SLC9C1: variants seen among roughly 807,000 people sequenced by gnomAD.
SLC9C1 encodes the protein solute carrier family 9 member C1.
In SLC9C1, 97 loss-of-function variants were observed where a neutral mutation model predicts 140.9. That is an observed-to-expected ratio of 0.69 (90% CI 0.58 to 0.82). The LOEUF (loss-of-function observed/expected upper bound fraction) is 0.82, where lower values mean the gene tolerates loss of function less well. Ranked by LOEUF, SLC9C1 falls within the 40% of genes least tolerant of loss-of-function variation. SLC9C1 has a pLI of 0.00. For missense variants in SLC9C1, 1,340 were observed against 1,389.3 expected (o/e 0.96, Z 0.56); for synonymous variants, 440 against 442.6 (o/e 0.99, Z 0.07).
intron 19 of SLC9C1, 133 bp downstream of exon 19, chr3:112,200,578 G>T: frequency 1.4e-6 from 1 of 707,020 alleles, no homozygotes; most frequent in Non-Finnish European, 2.4e-6. Flanking sequence ...TGCATTGATT[G>T]TTGAGGTTAC....
At chr3:112,221,302 G>T in intron 13 of SLC9C1, 77 bp from the exon 14 acceptor site, 1 of 1,215,306 alleles carries the variant, frequency 8.2e-7, no homozygotes, top group Non-Finnish European at 1.2e-6. Flanking sequence ...TGGGAAAAAT[G>T]TGTGATAAAG....
intron 6 of SLC9C1, among the ~76,000 whole-genome samples, chr3:112,270,333 T>C (rs2080036723): frequency 6.6e-6 from 1 of 152,206 alleles, no homozygotes. Flanking sequence ...TTTTCCATAA[T>C]AGCTTTACTA....
At chr3:112,224,386 A>G (rs1234292617) in intron 13 of SLC9C1, among the ~76,000 whole-genome samples, 2 of 101,106 alleles carry the variant, frequency 2.0e-5, no homozygotes, top group East Asian at 4.2e-4. Context: ...GAAGATATCA[A>G]TGCAAGGATA....
At chr3:112,282,898 C>T (rs1268546155) in intron 2 of SLC9C1, among the ~76,000 whole-genome samples, 2 of 152,142 alleles carry the variant, frequency 1.3e-5, no homozygotes, top group African/African-American at 4.8e-5. Context: ...TTCATGTTAA[C>T]TTAAATTAAT....
chr3:112,179,529 ACCT>A lies in SLC9C1; in HGVS notation c.2918_2919+1del, dbSNP rs754960983. The A allele has an allele frequency of 1.3e-6, 2 of 1,588,494 alleles. No individual in the cohort carries two copies. Among genetic ancestry groups the A allele is most frequent in the Non-Finnish European group, 1.7e-6 (2 of 1,172,480 alleles). On this transcript the variant is annotated splice_donor_variant and coding_sequence_variant, in exon 23 of 29. Coordinates refer to ENST00000305815, the MANE Select transcript of SLC9C1 (RefSeq NM_183061.3). LOFTEE classifies it high-confidence loss of function. ...AAAAGTCACAGGCGAAGTTTTTCTG[ACCT>A]CCACTACAGTTTTGCAGGTGGCAGA... is the stretch of plus-strand genomic sequence containing the variant.
At chr3:112,147,511 C>T in intron 28 of SLC9C1, 1 of 422,198 alleles carries the variant, frequency 2.4e-6, no homozygotes, top group Non-Finnish European at 4.7e-6. Context: ...ACTTTCTTGT[C>T]TGGAAAGTTA....
chr3:112,172,424 T>C (rs2077263855), intron 23 of SLC9C1, among the ~76,000 whole-genome samples: 1 of 152,170 alleles, frequency 6.6e-6, no homozygotes, highest in South Asian at 2.1e-4. Context: ...TTTACCATCT[T>C]ACTAAATTCA....
intron 27 of SLC9C1, among the ~76,000 whole-genome samples, chr3:112,152,472 C>CCGAGA (rs2075013923): frequency 6.6e-6 from 1 of 152,152 alleles, no homozygotes; most frequent in Non-Finnish European, 1.5e-5. Flanking sequence ...GGGTTTTACA[C>CCGAGA]CGAGACATTC....
At chr3:112,261,779 A>G (rs2079779701) in intron 10 of SLC9C1, among the ~76,000 whole-genome samples, 1 of 152,094 alleles carries the variant, frequency 6.6e-6, no homozygotes, top group South Asian at 2.1e-4. Flanking sequence ...GCTATATGCT[A>G]AACAATGTGC....
chr3:112,252,808 T>A (rs1228355212), intron 10 of SLC9C1, among the ~76,000 whole-genome samples: 1 of 152,042 alleles, frequency 6.6e-6, no homozygotes, highest in East Asian at 1.9e-4. Flanking sequence ...GTCAGACTGC[T>A]TTTTTAAGTG....
chr3:112,210,383 C>G (rs1034259590), intron 15 of SLC9C1, among the ~76,000 whole-genome samples: 14 of 152,180 alleles, frequency 9.2e-5, no homozygotes, highest in African/African-American at 3.4e-4. Context: ...CCTTATGCTA[C>G]TAACACATTC....
At chr3:112,161,937 T>C (rs2075312481) in intron 26 of SLC9C1, among the ~76,000 whole-genome samples, 1 of 151,814 alleles carries the variant, frequency 6.6e-6, no homozygotes, top group Admixed American at 6.6e-5. Flanking sequence ...GTATCCTCTT[T>C]TATTTCCTTG....
At chr3:112,163,737 A>C (rs1266914056) in intron 26 of SLC9C1, among the ~76,000 whole-genome samples, 1 of 152,094 alleles carries the variant, frequency 6.6e-6, no homozygotes, top group Non-Finnish European at 1.5e-5. Flanking sequence ...GCTGAAAAAA[A>C]TGTATATTCT....
intron 16 of SLC9C1, 62 bp from the exon 17 acceptor site, chr3:112,204,465 C>A (rs1337587945): frequency 7.4e-6 from 11 of 1,489,430 alleles, no homozygotes; most frequent in Non-Finnish European, 9.8e-6. Flanking sequence ...CACCATTTTC[C>A]ACAATAATTT....
At chr3:112,249,076 G>T (rs1050237465) in intron 10 of SLC9C1, among the ~76,000 whole-genome samples, 45 of 152,230 alleles carry the variant, frequency 3.0e-4, no homozygotes, top group Middle Eastern at 6.8e-3. Flanking sequence ...TATGATGTTG[G>T]TTGTGGGCTT....
intron 23 of SLC9C1, among the ~76,000 whole-genome samples, chr3:112,172,595 G>A (rs1345035590): frequency 3.9e-5 from 6 of 152,040 alleles, no homozygotes; most frequent in Admixed American, 6.5e-5. Flanking sequence ...CTGAATGGAA[G>A]TGGTGAGAGT....
chr3:112,211,566 A>G (rs574160544), intron 15 of SLC9C1, among the ~76,000 whole-genome samples: 2 of 152,292 alleles, frequency 1.3e-5, no homozygotes, highest in South Asian at 2.1e-4. Flanking sequence ...TATATCCCGC[A>G]CCTGGCTCGG....
At chr3:112,227,640 A>G (rs1488651668) in intron 13 of SLC9C1, among the ~76,000 whole-genome samples, 1 of 152,178 alleles carries the variant, frequency 6.6e-6, no homozygotes, top group Non-Finnish European at 1.5e-5. Flanking sequence ...CGGAATGAGG[A>G]CAAGTTAAAA....
intron 5 of SLC9C1, 106 bp downstream of exon 5, chr3:112,277,589 C>A: frequency 9.9e-7 from 1 of 1,007,492 alleles, no homozygotes; most frequent in Non-Finnish European, 1.4e-6. Context: ...TCCCTCACTA[C>A]CTGACTTCTC....
Sources: allele counts gnomAD v4.1 joint callset (sites outside exome capture counted in the v4.1 genomes callset), GRCh38; gene constraint gnomAD v4.1.1; transcripts MANE v1.5; gene names NCBI Gene and HGNC (gene_info 2026-07-23, HGNC 2026-07-21).